PCDHGB2: variants seen among roughly 807,000 people sequenced by gnomAD.
PCDHGB2 encodes the protein protocadherin gamma-B2.
A neutral mutation model predicts 59.3 loss-of-function variants in PCDHGB2; 55 were observed. That is an observed-to-expected ratio of 0.93 (90% CI 0.75 to 1.16). The LOEUF (loss-of-function observed/expected upper bound fraction) is 1.16, where lower values mean the gene tolerates loss of function less well. PCDHGB2 is among the 50% of genes most tolerant of loss of function. PCDHGB2 has a pLI of 0.00. For synonymous variants in PCDHGB2, 516 were observed against 512.0 expected, an observed-to-expected ratio of 1.01 and a Z score of -0.11; for missense variants, 1,228 against 1,198.5, an observed-to-expected ratio of 1.02 and a Z score of -0.36.
Position 141,485,183 on chromosome 5 carries a change from A to C in PCDHGB2, c.2422-9624A>C, listed in dbSNP as rs777796801. On this transcript the variant is annotated intron_variant, in intron 1 of 3. Transcript: ENST00000522605. This position sits in a 1 kb window ranked among gnomAD's most constrained non-coding sequence, Gnocchi z 5.7. ...TTAGCGGGCGGCAGCAATGCTCCGC[A>C]AGGTGAGAAGCTGGACAGAAATCTG... 1.9e-6 allele frequency: 3 copies of C among 1,613,248 alleles called. No individual in the cohort carries two copies. The highest frequency in any genetic ancestry group is 3.3e-5 in the Admixed American group (2 of 60,006).
At chr5:141,362,694 C>A in intron 1 of PCDHGB2, 138 bp downstream of exon 1, 1 of 1,100,690 alleles carries the variant, frequency 9.1e-7, no homozygotes. Flanking sequence ...TCTTATCTAA[C>A]TGAATTTTAA....
At chr5:141,371,899 C>A in intron 1 of PCDHGB2, 1 of 1,613,414 alleles carries the variant, frequency 6.2e-7, no homozygotes, top group Non-Finnish European at 8.5e-7. Flanking sequence ...CGGGAGCTGT[C>A]GTCCTACGTG....
At chr5:141,443,790 T>A (rs1178101439) in intron 1 of PCDHGB2, among the ~76,000 whole-genome samples, 2 of 151,832 alleles carry the variant, frequency 1.3e-5, no homozygotes, top group Admixed American at 6.6e-5. Flanking sequence ...ACAAAAAAAA[T>A]GAAAAGGAAA....
At chr5:141,425,695 T>G (rs1329762653) in intron 1 of PCDHGB2, among the ~76,000 whole-genome samples, 1 of 152,232 alleles carries the variant, frequency 6.6e-6, no homozygotes, top group African/African-American at 2.4e-5. Context: ...TATCATTTCA[T>G]AGTGGTCAAA....
Position 141,418,737 on chromosome 5 carries a change from C to T in PCDHGB2, c.2421+56181C>T, listed in dbSNP as rs768683069. 7.4e-6 allele frequency: 12 copies of T among 1,613,960 alleles called. No homozygotes were observed. The South Asian group carries it at 1.3e-4, about 18-fold the overall frequency. ...GCTGACAAAGCTCAGCACGTGTTCT[C>T]TCTGGATTACACTACAGGAAACATT... On this transcript the variant is annotated intron_variant, in intron 1 of 3. Coordinates refer to ENST00000522605, the MANE Select transcript of PCDHGB2 (RefSeq NM_018923.3).
chr5:141,421,850 C>T, intron 1 of PCDHGB2: 1 of 1,613,752 alleles, frequency 6.2e-7, no homozygotes, highest in Non-Finnish European at 8.5e-7. Context: ...AAAGAGGCTG[C>T]TCACCTGCTC....
intron 1 of PCDHGB2, chr5:141,366,246 A>G: frequency 6.2e-7 from 1 of 1,613,762 alleles, no homozygotes; most frequent in Non-Finnish European, 8.5e-7. Context: ...GACGCGCTCA[A>G]GCAGAGCCTC....
chr5:141,486,559 G>A lies in PCDHGB2; in HGVS notation c.2422-8248G>A. ...CTTTCTTTCAGAGGTCACATGAGGTGTTTGTTCCTGAGAACAATCGCCCAG... is the reference window on the plus strand; with the variant it reads ...CTTTCTTTCAGAGGTCACATGAGGTATTTGTTCCTGAGAACAATCGCCCAG... On this transcript the variant is annotated intron_variant, in intron 1 of 3. Transcript: ENST00000522605. This position sits in a 1 kb window ranked among gnomAD's most constrained non-coding sequence, Gnocchi z 5.0. 6.2e-7 allele frequency: 1 copy of A among 1,614,032 alleles called. No individual in the cohort carries two copies. Among genetic ancestry groups the A allele is most frequent in the Non-Finnish European group, 8.5e-7 (1 of 1,180,022 alleles).
In PCDHGB2 at chr5:141,491,652, G is replaced by A. The variant is rs370043428; in HGVS notation, c.2422-3155G>A. ...AGCAGCCCACAGCTCTGGCGCTGGAGCCTGACGCCATCCGGTCCCGCTCTA... is the reference window on the plus strand; with the variant it reads ...AGCAGCCCACAGCTCTGGCGCTGGAACCTGACGCCATCCGGTCCCGCTCTA... On this transcript the variant is annotated intron_variant, in intron 1 of 3. Transcript: ENST00000522605. This position sits in a 1 kb window ranked among gnomAD's most constrained non-coding sequence, Gnocchi z 6.9. 2 of 1,613,726 alleles carry A rather than the reference G, an allele frequency of 1.2e-6. No homozygotes were observed. Among genetic ancestry groups the A allele is most frequent in the African/African-American group, 1.3e-5 (1 of 74,944 alleles).
intron 1 of PCDHGB2, among the ~76,000 whole-genome samples, chr5:141,457,904 T>C (rs960822555): frequency 6.0e-5 from 9 of 150,288 alleles, no homozygotes; most frequent in African/African-American, 2.2e-4. Context: ...GTAGACAAGG[T>C]GTGAGGCCAG....
chr5:141,393,356 C>G (rs1174239790), intron 1 of PCDHGB2: 3 of 1,613,978 alleles, frequency 1.9e-6, no homozygotes, highest in East Asian at 2.2e-5. Context: ...TCTCCCTGGA[C>G]GTGCAGACTG....
At position 141,491,766 on chromosome 5, in the gene PCDHGB2, T is replaced by G. The variant is rs772444495; in HGVS notation, c.2422-3041T>G. On this transcript the variant is annotated intron_variant, in intron 1 of 3. Coordinates refer to ENST00000522605, the MANE Select transcript of PCDHGB2 (RefSeq NM_018923.3). This position sits in a 1 kb window ranked among gnomAD's most constrained non-coding sequence, Gnocchi z 6.9. ...GCACTGGAGAAGCCGCCCGTCCTCA[T>G]AAGGGATTGAACTTGCATCCACTCC... The G allele has an allele frequency of 1.9e-6, 3 of 1,567,856 alleles. No homozygotes were observed. Among genetic ancestry groups the G allele is most frequent in the Non-Finnish European group, 8.6e-7 (1 of 1,158,088 alleles).
rs761149166 is a variant in PCDHGB2 at position 141,510,977 on chromosome 5, G to C, written c.2600G>C (p.Gly867Ala). Residue 867 changes from glycine to alanine, a missense_variant, in exon 4 of 4, where the codon GGG (glycine) becomes GCG (alanine). Around this residue, in one of 3 missense-constraint regions of PCDHGB2, gnomAD observed 433 missense variants for 441.8 expected, o/e 0.98. Coordinates refer to ENST00000522605, the MANE Select transcript of PCDHGB2 (RefSeq NM_018923.3). Reference protein sequence around the residue: ...EAADGSSTLGGGAGTMGLSAR... With the variant: ...EAADGSSTLGAGAGTMGLSAR... ...GCTGATGGGAGCTCCACCCTGGGAG[G>C]GGGTGCCGGCACCATGGGATTGAGC... 9 of 1,614,052 alleles carry C rather than the reference G, an allele frequency of 5.6e-6. No individual in the cohort carries two copies. The Admixed American group carries it at 1.3e-4, about 24-fold the overall frequency.
chr5:141,494,607 C>T (rs2099755630), intron 1 of PCDHGB2, among the ~76,000 whole-genome samples, 200 bp from the exon 2 acceptor site: 2 of 152,092 alleles, frequency 1.3e-5, no homozygotes, highest in South Asian at 2.1e-4. Flanking sequence ...TGTGATTTAT[C>T]TCTTGGTTTC....
rs17097251 is a variant in PCDHGB2 at position 141,383,615 on chromosome 5, C to T, written c.2421+21059C>T. On this transcript the variant is annotated intron_variant, in intron 1 of 3. Coordinates refer to ENST00000522605, the MANE Select transcript of PCDHGB2 (RefSeq NM_018923.3). ...ACAGTGGTGGATGTGAATGACCACA[C>T]GCCTGTCTTCTCTCTGCCTCAGTAC... 8,353 of 1,613,802 alleles carry T rather than the reference C, an allele frequency of 5.2e-3. 355 individuals are homozygous for T. The African/African-American group carries it at 0.098, about 19-fold the overall frequency.
Position 141,511,201 on chromosome 5 carries a change from G to A in PCDHGB2, c.*28G>A, listed in dbSNP as rs2099883661. On this transcript the variant is annotated 3_prime_UTR_variant, in exon 4 of 4. Transcript: ENST00000522605. ...TGGAGGCCAGGCCAAGAGCCACAGG[G>A]CGGCCTCTCCCCAACCAGCCCAGCT... 2 of 1,612,600 alleles carry A rather than the reference G, an allele frequency of 1.2e-6. No homozygotes were observed. The highest frequency in any genetic ancestry group is 1.7e-6 in the Non-Finnish European group (2 of 1,179,344).
At chr5:141,414,947 T>C (rs1422289231) in intron 1 of PCDHGB2, 1 of 1,614,052 alleles carries the variant, frequency 6.2e-7, no homozygotes, top group Non-Finnish European at 8.5e-7. Context: ...CCCGGCTACC[T>C]GGTGACCAAG....
At chr5:141,394,203 A>G (rs1380354099) in intron 1 of PCDHGB2, 1 of 1,613,814 alleles carries the variant, frequency 6.2e-7, no homozygotes, top group Non-Finnish European at 8.5e-7. Context: ...TATCCTAGAG[A>G]ACAACCTGAG....
chr5:141,372,755 G>A (rs942442162), intron 1 of PCDHGB2: 3 of 1,613,064 alleles, frequency 1.9e-6, no homozygotes, highest in Middle Eastern at 1.6e-4. Context: ...AAGCCTCTTG[G>A]TTTGAAAGTA....
Sources: gnomAD v4.1 joint callset for allele counts (sites outside exome capture counted in the v4.1 genomes callset) on GRCh38, gnomAD v4.1.1 for gene constraint, gnomAD v4.1.1 regional missense constraint, Gnocchi (gnomAD v3.1) non-coding constraint, MANE v1.5 for transcripts, NCBI Gene and HGNC (gene_info 2026-07-23, HGNC 2026-07-21) for gene names.